Variants in BRWD1 observed in about 807,000 individuals in gnomAD.
The protein encoded by BRWD1 is bromodomain and WD repeat-containing protein 1.
BRWD1 carries 82 observed loss-of-function variants against 251.2 expected under a neutral mutation model. The ratio of observed to expected loss-of-function variants is 0.33; its 90% CI spans 0.27 to 0.39. BRWD1 has a LOEUF of 0.39. BRWD1 is among the 10% of genes least tolerant of loss of function. BRWD1 has a pLI of 1.00. For missense variants in BRWD1, 2,233 were observed against 2,711.6 expected (o/e 0.82, Z 3.92); for synonymous variants, 918 against 902.8 (o/e 1.02, Z -0.30).
Position 39,191,876 on chromosome 21 carries a change from A to C in BRWD1, c.*4383T>G. 1.0e-6 allele frequency: 1 copy of C among 984,128 alleles called. No homozygotes were observed. Among genetic ancestry groups the C allele is most frequent in the African/African-American group, 1.7e-5 (1 of 57,292 alleles). The allele number at this position is 984,128 out of a possible 1,614,324, so 61.0% of individuals were successfully genotyped here. A position where few individuals can be genotyped will look rare whatever the true frequency, so the allele number is the denominator to read the frequency against. The stretch of plus-strand genomic sequence containing the variant: ...AACTTACCTTAAAACTGACATAACT[A>C]AAATATGACCAGAAAGTATACCATA... On this transcript the variant is annotated 3_prime_UTR_variant, in exon 41 of 41. Coordinates refer to ENST00000342449, the MANE Select transcript of BRWD1 (RefSeq NM_033656.4).
rs1171927644 is a variant in BRWD1 at position 39,290,501 on chromosome 21, A to AG, written c.831+3309_831+3310insC. On this transcript the variant is annotated intron_variant, in intron 8 of 40. Coordinates refer to ENST00000342449, the MANE Select transcript of BRWD1 (RefSeq NM_033656.4). ...GCAAGACTCCGTCTCAAAAAAAAAAAAAAAAAATGTACTACTACCCAATTA... is the reference window on the plus strand; with the variant it reads ...GCAAGACTCCGTCTCAAAAAAAAAAAGAAAAAAATGTACTACTACCCAATTA... 2.0e-5 allele frequency among the ~76,000 whole-genome samples: 3 copies of AG among 152,120 alleles called. No individual in the cohort carries two copies. In the East Asian group the frequency reaches 5.8e-4, roughly 29 times the overall value.
At chr21:39,276,261 T>C (rs867168711) in intron 11 of BRWD1, 48 bp from the exon 12 acceptor site, 2 of 1,515,990 alleles carry the variant, frequency 1.3e-6, no homozygotes, top group Admixed American at 2.1e-5. Flanking sequence ...CTACATGGTC[T>C]GTGAATTTGA....
At position 39,186,757 on chromosome 21, in the gene BRWD1, G is replaced by A; in HGVS notation, c.*9502C>T. On this transcript the variant is annotated 3_prime_UTR_variant, in exon 41 of 41. Transcript: ENST00000342449. ...CATGTCTTCAAGGCCTTGCATTCTG[G>A]AAAGGAATAGTAGTCTTATAGCAGG... 1 of 298,436 alleles carries A rather than the reference G, an allele frequency of 3.4e-6. No individual in the cohort carries two copies. The allele number at this position is 298,436 out of a possible 1,614,324, so 18.5% of individuals were successfully genotyped here.
At chr21:39,282,603 CA>C (rs1399683383) in intron 8 of BRWD1, among the ~76,000 whole-genome samples, 3 of 151,980 alleles carry the variant, frequency 2.0e-5, no homozygotes, top group African/African-American at 7.2e-5. Context: ...GCTAATTGGA[CA>C]AAAAAATTTT....
intron 33 of BRWD1, 124 bp from the exon 34 acceptor site, chr21:39,212,831 A>C: frequency 1.6e-6 from 1 of 641,220 alleles, no homozygotes; most frequent in Non-Finnish European, 2.5e-6. Flanking sequence ...TATTATCAAA[A>C]TCTCCAAAGA....
intron 27 of BRWD1, among the ~76,000 whole-genome samples, chr21:39,228,105 TG>T (rs895392149): frequency 1.3e-5 from 2 of 152,006 alleles, no homozygotes; most frequent in Non-Finnish European, 2.9e-5. Context: ...CTGACCAACA[TG>T]GTGAAACTCT....
intron 4 of BRWD1, among the ~76,000 whole-genome samples, chr21:39,310,280 CAG>C (rs769204968): frequency 6.6e-6 from 1 of 152,216 alleles, no homozygotes; most frequent in Non-Finnish European, 1.5e-5. Flanking sequence ...CTTTGGGACA[CAG>C]AGGCGGGCAG....
Position 39,188,176 on chromosome 21 carries a change from A to G in BRWD1, c.*8083T>C. On this transcript the variant is annotated 3_prime_UTR_variant, in exon 41 of 41. Transcript: ENST00000342449. ...AGTCTAATTAGTACTCTTCTAGAAC[A>G]GAAGTGATATTCCTTTTACGTATCT... is the stretch of plus-strand genomic sequence containing the variant. 1.0e-6 allele frequency: 1 copy of G among 985,424 alleles called. No homozygotes were observed. The highest frequency in any genetic ancestry group is 1.2e-6 in the Non-Finnish European group (1 of 829,918). 61.0% of individuals were successfully genotyped at this position (985,424 alleles called of 1,614,324 possible). A position where few individuals can be genotyped will look rare whatever the true frequency, so the allele number is the denominator to read the frequency against.
intron 37 of BRWD1, among the ~76,000 whole-genome samples, chr21:39,202,855 G>A (rs915453161): frequency 2.6e-5 from 4 of 152,232 alleles, no homozygotes; most frequent in Admixed American, 6.5e-5. Flanking sequence ...CAACATTTAC[G>A]TAATATAGGT....
At chr21:39,301,479 CTCAG>C (rs2036111485) in intron 4 of BRWD1, among the ~76,000 whole-genome samples, 1 of 150,998 alleles carries the variant, frequency 6.6e-6, no homozygotes, top group Admixed American at 6.6e-5. Context: ...AACTGAGGCC[CTCAG>C]TCAAACAACC....
At chr21:39,285,966 G>A (rs1177966014) in intron 8 of BRWD1, among the ~76,000 whole-genome samples, 1 of 149,340 alleles carries the variant, frequency 6.7e-6, no homozygotes. Flanking sequence ...GCTCACTCAT[G>A]CATCCTAGGG....
At chr21:39,272,420 G>A (rs1365361747) in intron 13 of BRWD1, among the ~76,000 whole-genome samples, 11 of 151,068 alleles carry the variant, frequency 7.3e-5, no homozygotes, top group African/African-American at 2.4e-4. Flanking sequence ...TCAGCTACTC[G>A]TGAGGCTGAG....
chr21:39,238,649 A>G, intron 21 of BRWD1, 76 bp from the exon 22 acceptor site: 1 of 903,514 alleles, frequency 1.1e-6, no homozygotes, highest in South Asian at 1.4e-5. Context: ...GCTGTACACA[A>G]TCCTCCCCAG....
At chr21:39,312,992 CGGGG>C in intron 3 of BRWD1, 76 bp downstream of exon 3, 1 of 1,037,566 alleles carries the variant, frequency 9.6e-7, no homozygotes, top group Non-Finnish European at 1.2e-6. Context: ...GGGCGGCGGG[CGGGG>C]GGCGCGGGCG....
chr21:39,228,378 T>G, intron 27 of BRWD1, 122 bp downstream of exon 27: 4 of 664,312 alleles, frequency 6.0e-6, no homozygotes. Flanking sequence ...AGGTCACTTA[T>G]ATCTCTTCTG....
chr21:39,236,654 T>C lies in BRWD1; in HGVS notation c.2707A>G (p.Asn903Asp). The change falls in exon 23 of 41, where the codon AAT (asparagine) becomes GAT (aspartate). Residue 903 changes from asparagine to aspartate, a missense_variant. Around this residue, in one of 12 missense-constraint regions of BRWD1, gnomAD observed 214 missense variants for 222.0 expected, o/e 0.96. Coordinates refer to ENST00000342449, the MANE Select transcript of BRWD1 (RefSeq NM_033656.4). ...SSSEDEISTE[N>D]LSPPKRRRKR... ...CGTCTTCTTTTTGGAGGAGATAAATTCTCAGTAGATATTTCATCTTCTGAA... is the reference window on the plus strand; with the variant it reads ...CGTCTTCTTTTTGGAGGAGATAAATCCTCAGTAGATATTTCATCTTCTGAA... 6.2e-7 allele frequency: 1 copy of C among 1,613,728 alleles called. No individual in the cohort carries two copies. The highest frequency in any genetic ancestry group is 8.5e-7 in the Non-Finnish European group (1 of 1,179,734).
At chr21:39,300,764 C>T (rs1307814283) in intron 4 of BRWD1, among the ~76,000 whole-genome samples, 3 of 152,192 alleles carry the variant, frequency 2.0e-5, no homozygotes, top group Non-Finnish European at 2.9e-5. Flanking sequence ...AGAAGCAGAC[C>T]TAGAGATGGC....
At chr21:39,217,194 C>T (rs1291051897) in intron 31 of BRWD1, 2 of 148,936 alleles carry the variant, frequency 1.3e-5, no homozygotes, top group African/African-American at 5.0e-5. Flanking sequence ...CTCCCAGGTT[C>T]AAGCAATTCT....
chr21:39,296,805 A>G (rs2035973157), intron 5 of BRWD1: 1 of 969,890 alleles, frequency 1.0e-6, no homozygotes, highest in Non-Finnish European at 1.2e-6. Flanking sequence ...TTATTTTTCA[A>G]TGTAGAATTA....
Sources: gnomAD v4.1 joint callset for allele counts (sites outside exome capture counted in the v4.1 genomes callset) on GRCh38, gnomAD v4.1.1 for gene constraint, gnomAD v4.1.1 regional missense constraint, MANE v1.5 for transcripts, NCBI Gene and HGNC (gene_info 2026-07-23, HGNC 2026-07-21) for gene names.